Variants in TLN2 observed in about 807,000 individuals in gnomAD.
TLN2 encodes talin-2.
Under a neutral mutation model 294.7 loss-of-function variants are expected in TLN2, and 118 were observed. The ratio of observed to expected loss-of-function variants is 0.40; its 90% confidence interval spans 0.34 to 0.47. TLN2 has a LOEUF of 0.47. Among genes scored for constraint, TLN2 ranks in the 20% least tolerant of loss-of-function variants. The pLI, the probability that TLN2 is intolerant of heterozygous loss-of-function variation, is 0.84. For missense variants in TLN2, 3,083 were observed against 3,282.2 expected (o/e 0.94, Z 1.48); for synonymous variants, 1,431 against 1,304.5 (o/e 1.10, Z -2.09).
At chr15:62,795,712 C>T (rs376509564) in intron 46 of TLN2, among the ~76,000 whole-genome samples, 1 of 152,212 alleles carries the variant, frequency 6.6e-6, no homozygotes, top group East Asian at 1.9e-4. Context: ...CCACACCTTT[C>T]ACAGGAGTCT....
At chr15:62,481,099 C>T (rs1301342826) in intron 1 of TLN2, among the ~76,000 whole-genome samples, 6 of 152,138 alleles carry the variant, frequency 3.9e-5, no homozygotes, top group African/African-American at 9.7e-5. Context: ...TCCATAGAGA[C>T]GTCTAATCAC....
chr15:62,505,146 A>G (rs2039542466), intron 1 of TLN2, among the ~76,000 whole-genome samples: 1 of 151,784 alleles, frequency 6.6e-6, no homozygotes, highest in Non-Finnish European at 1.5e-5. Context: ...TTTAGTAGAG[A>G]CGGGGTTTCA....
At chr15:62,590,316 C>T (rs1265597736) in intron 2 of TLN2, among the ~76,000 whole-genome samples, 1 of 152,192 alleles carries the variant, frequency 6.6e-6, no homozygotes, top group Non-Finnish European at 1.5e-5. Flanking sequence ...TCCCAACCTC[C>T]ATGCCCCAGT....
intron 50 of TLN2, among the ~76,000 whole-genome samples, chr15:62,803,611 A>G (rs553932581): frequency 1.2e-3 from 177 of 152,324 alleles, no homozygotes; most frequent in Admixed American, 1.9e-3. Context: ...ATTCTTCAGT[A>G]TATTAATTGC....
intron 57 of TLN2, among the ~76,000 whole-genome samples, chr15:62,836,458 T>C (rs1311108733): frequency 6.6e-6 from 1 of 152,234 alleles, no homozygotes; most frequent in East Asian, 1.9e-4. Context: ...CTACTGTAGG[T>C]CTGTCTGTGA....
chr15:62,435,605 G>A (rs150025283), intron 1 of TLN2, among the ~76,000 whole-genome samples: 3,543 of 152,164 alleles, frequency 0.023, 66 homozygotes, highest in Middle Eastern at 0.061. Flanking sequence ...GCGATGGCGC[G>A]ATCTTGGCTC....
intron 50 of TLN2, among the ~76,000 whole-genome samples, chr15:62,802,270 A>G (rs2065978681): frequency 1.3e-5 from 2 of 152,006 alleles, no homozygotes; most frequent in Non-Finnish European, 1.5e-5. Flanking sequence ...AGTTCCATCC[A>G]TGTTGTTGCT....
intron 1 of TLN2, among the ~76,000 whole-genome samples, chr15:62,503,933 A>C (rs1014732559): frequency 1.3e-5 from 2 of 152,236 alleles, no homozygotes; most frequent in Non-Finnish European, 2.9e-5. Flanking sequence ...AGACCCTGGA[A>C]TCTCACGTAG....
In TLN2 at chr15:62,457,148, G is replaced by T. The variant is rs183406153; in HGVS notation, c.-238+66463G>T. Among the ~76,000 whole-genome samples the T allele has an allele frequency of 2.4e-3, 363 of 152,304 alleles. 2 individuals carry two copies. Among genetic ancestry groups the T allele is most frequent in the African/African-American group, 8.4e-3 (351 of 41,562 alleles). On this transcript the variant is annotated intron_variant, in intron 1 of 58. Coordinates refer to ENST00000636159, the MANE Select transcript of TLN2 (RefSeq NM_015059.3). Reference sequence around the variant, plus strand: ...ATAGAAATTTTTTCACGGTTCTGGAGGCTGGAAGTCTGAGATCAGGGTGCT... The same window carrying T: ...ATAGAAATTTTTTCACGGTTCTGGATGCTGGAAGTCTGAGATCAGGGTGCT...
chr15:62,606,474 G>A (rs1248374369), intron 2 of TLN2, among the ~76,000 whole-genome samples: 1 of 152,138 alleles, frequency 6.6e-6, no homozygotes, highest in Admixed American at 6.6e-5. Context: ...AAAAAGTTTA[G>A]CGATGATAGA....
chr15:62,558,451 C>G (rs1443555826), intron 1 of TLN2, among the ~76,000 whole-genome samples: 2 of 152,110 alleles, frequency 1.3e-5, no homozygotes, highest in African/African-American at 4.8e-5. Context: ...GGATGTAGTT[C>G]CTATAGAAGA....
At chr15:62,831,726 A>G (rs1265384443) in intron 54 of TLN2, 2 of 152,228 alleles carry the variant, frequency 1.3e-5, no homozygotes, top group Non-Finnish European at 2.9e-5. Flanking sequence ...CTGAAATGCT[A>G]CCATCATTCA....
intron 28 of TLN2, among the ~76,000 whole-genome samples, chr15:62,730,737 C>T (rs866328546): frequency 4.6e-5 from 7 of 152,094 alleles, no homozygotes; most frequent in Admixed American, 1.3e-4. Context: ...TTTTATTTTT[C>T]CCCTTTCCTT....
Position 62,715,455 on chromosome 15 carries a change from G to A in TLN2, c.2635-876G>A, listed in dbSNP as rs116779865. ...CTTGATTGCTACTGTTATAGTTGTG[G>A]GAGAGGAAGGCTGGATGTGCTGTGA... On this transcript the variant is annotated intron_variant, in intron 22 of 58. Coordinates refer to ENST00000636159, the MANE Select transcript of TLN2 (RefSeq NM_015059.3). Among the ~76,000 whole-genome samples, 256 of 152,300 alleles carry A rather than the reference G, an allele frequency of 1.7e-3. 1 individual carries two copies. The highest frequency in any genetic ancestry group is 6.0e-3 in the African/African-American group (249 of 41,562).
At chr15:62,749,534 T>A (rs2061803478) in intron 33 of TLN2, among the ~76,000 whole-genome samples, 1 of 152,164 alleles carries the variant, frequency 6.6e-6, no homozygotes, top group African/African-American at 2.4e-5. Context: ...GGTTCTTGAA[T>A]GAAATGAGCT....
At chr15:62,449,133 A>G (rs182116343) in intron 1 of TLN2, among the ~76,000 whole-genome samples, 2 of 152,268 alleles carry the variant, frequency 1.3e-5, no homozygotes, top group African/African-American at 4.8e-5. Flanking sequence ...TTAGTTTTCA[A>G]AACCTGAAAT....
intron 1 of TLN2, among the ~76,000 whole-genome samples, chr15:62,494,142 A>T (rs1391872502): frequency 1.3e-5 from 2 of 152,306 alleles, no homozygotes; most frequent in East Asian, 3.9e-4. Context: ...GTCTTCAATT[A>T]TCCAAGTACC....
chr15:62,800,852 A>T, intron 50 of TLN2, 83 bp downstream of exon 50: 2 of 1,195,618 alleles, frequency 1.7e-6, no homozygotes, highest in Non-Finnish European at 2.4e-6. Flanking sequence ...TTTTTTACCA[A>T]TGAGGTTTTA....
intron 1 of TLN2, among the ~76,000 whole-genome samples, chr15:62,573,329 G>T (rs537160989): frequency 6.6e-6 from 1 of 152,002 alleles, no homozygotes; most frequent in Non-Finnish European, 1.5e-5. Flanking sequence ...GGGAATGCAG[G>T]TGTTGTGCCC....
Sources: gnomAD v4.1 joint callset for allele counts (sites outside exome capture counted in the v4.1 genomes callset) on GRCh38, gnomAD v4.1.1 for gene constraint, MANE v1.5 for transcripts, NCBI Gene and HGNC (gene_info 2026-07-23, HGNC 2026-07-21) for gene names.